EHD3: variants seen among roughly 807,000 people sequenced by gnomAD.
EHD3 encodes the protein EH domain-containing protein 3.
EHD3 carries 17 observed loss-of-function variants against 43.0 expected under a neutral mutation model. The observed-to-expected ratio is 0.40, with a 90% CI of 0.27 to 0.59. The LOEUF (loss-of-function observed/expected upper bound fraction) is 0.59. Ranked by LOEUF, EHD3 falls within the 20% of genes least tolerant of loss-of-function variation. The probability of loss-of-function intolerance (pLI) is 0.49; values close to 1 mark genes in which losing one functional copy is unlikely to be tolerated. For synonymous variants in EHD3, 313 were observed against 289.5 expected (o/e 1.08, Z -0.82); for missense variants, 594 against 705.6 (o/e 0.84, Z 1.79).
At chr2:31,244,196 T>G in intron 1 of EHD3, 78 bp from the exon 2 acceptor site, 4 of 1,431,904 alleles carry the variant, frequency 2.8e-6, no homozygotes, top group Non-Finnish European at 3.8e-6. Flanking sequence ...GACTCGCATG[T>G]TGTCTGCCTT....
chr2:31,264,943 A>C (rs1311469397), intron 5 of EHD3, among the ~76,000 whole-genome samples: 1 of 152,142 alleles, frequency 6.6e-6, no homozygotes, highest in Non-Finnish European at 1.5e-5. Context: ...TATTTAAAAA[A>C]ATTTATTTTT....
intron 3 of EHD3, among the ~76,000 whole-genome samples, chr2:31,250,023 T>C (rs1451310750): frequency 1.4e-5 from 2 of 145,356 alleles, no homozygotes; most frequent in Non-Finnish European, 3.0e-5. Context: ...GGCAGGGTTC[T>C]AAGCCTGCCT....
chr2:31,259,441 C>T (rs1002542771), intron 3 of EHD3, among the ~76,000 whole-genome samples: 1 of 152,114 alleles, frequency 6.6e-6, no homozygotes, highest in Admixed American at 6.5e-5. Flanking sequence ...ACTATTGGTC[C>T]ACCCTCCTAC....
At chr2:31,236,750 C>A (rs1032494757) in intron 1 of EHD3, among the ~76,000 whole-genome samples, 4 of 152,224 alleles carry the variant, frequency 2.6e-5, no homozygotes, top group Non-Finnish European at 5.9e-5. Flanking sequence ...ATCTCTGGGG[C>A]CTTGCCCAGG....
rs1683841810 is a variant in EHD3, at chr2:31,260,928, G to A, written c.915+6G>A. On this transcript the variant is annotated splice_donor_region_variant and intron_variant, in intron 4 of 5. Transcript: ENST00000322054. This position sits in a 1 kb window ranked among gnomAD's most constrained non-coding sequence, Gnocchi z 4.6. ...AAAGGGCCAGGCTGGCCAAGGTGAG[G>A]CAGCCCCCTGGGAGGTGGGCAGCTT... The A allele has an allele frequency of 1.3e-6, 2 of 1,593,238 alleles. No individual in the cohort carries two copies. Among genetic ancestry groups the A allele is most frequent in the Non-Finnish European group, 1.7e-6 (2 of 1,169,664 alleles).
In EHD3 at chr2:31,266,878, T is replaced by G. The variant is rs1683964575; in HGVS notation, c.*174T>G. 1 of 822,292 alleles carries G rather than the reference T, an allele frequency of 1.2e-6. No homozygotes were observed. 50.9% of individuals were successfully genotyped at this position (822,292 alleles called of 1,614,324 possible). ...GACGCCCATGTTTGCAGCTGATACT[T>G]GTTTGGGCACACCTCCAAGTTCTCG... On this transcript the variant is annotated 3_prime_UTR_variant, in exon 6 of 6. Coordinates refer to ENST00000322054, the MANE Select transcript of EHD3 (RefSeq NM_014600.3). This position sits in a 1 kb window ranked among gnomAD's most constrained non-coding sequence, Gnocchi z 5.1.
At chr2:31,253,857 TG>T (rs1282828335) in intron 3 of EHD3, among the ~76,000 whole-genome samples, 1 of 152,118 alleles carries the variant, frequency 6.6e-6, no homozygotes, top group African/African-American at 2.4e-5. Context: ...AGGTGGTTCC[TG>T]GAAGTGGCAG....
intron 3 of EHD3, among the ~76,000 whole-genome samples, chr2:31,253,903 G>A (rs1683689012): frequency 6.6e-6 from 1 of 152,178 alleles, no homozygotes; most frequent in African/African-American, 2.4e-5. Flanking sequence ...CTGGGAAGAA[G>A]TGAGGATGCA....
At position 31,243,448 on chromosome 2, in the gene EHD3, C is replaced by CTT. The variant is rs1310045883; in HGVS notation, c.228-824_228-823dup. Reference sequence around the variant, plus strand: ...TCTTTCTTTCTTTCTTTCTTTCTTTCTTTCTTTCTTTCTTTTTTTTTTTTT... The same window carrying CTT: ...TCTTTCTTTCTTTCTTTCTTTCTTTCTTTTTCTTTCTTTCTTTTTTTTTTTTT... On this transcript the variant is annotated intron_variant, in intron 1 of 5. Transcript: ENST00000322054. 2.9e-3 allele frequency among the ~76,000 whole-genome samples: 192 copies of CTT among 67,026 alleles called. 20 individuals are homozygous for CTT. The highest frequency in any genetic ancestry group is 9.2e-3 in the African/African-American group (146 of 15,904). The allele number at this position is 67,026 out of a possible 152,430, so 44.0% of individuals were successfully genotyped here.
chr2:31,242,013 C>T (rs371819149), intron 1 of EHD3, among the ~76,000 whole-genome samples: 14 of 152,316 alleles, frequency 9.2e-5, no homozygotes, highest in African/African-American at 1.9e-4. Context: ...CCCTGTGTGG[C>T]GGGTGGCCTT....
At chr2:31,239,726 G>T (rs1005461470) in intron 1 of EHD3, among the ~76,000 whole-genome samples, 1 of 152,176 alleles carries the variant, frequency 6.6e-6, no homozygotes, top group African/African-American at 2.4e-5. Context: ...AGTAATAACC[G>T]CCTCACAGCA....
chr2:31,255,739 C>G (rs938353257), intron 3 of EHD3, among the ~76,000 whole-genome samples: 1 of 152,144 alleles, frequency 6.6e-6, no homozygotes, highest in Admixed American at 6.5e-5. Context: ...CACAGCCACA[C>G]CTGGCTGGAA....
rs78521723 is a variant in EHD3 at position 31,240,032 on chromosome 2, G to A, written c.228-4242G>A. Among the ~76,000 whole-genome samples, 1,349 of 152,244 alleles carry A rather than the reference G, an allele frequency of 8.9e-3. 21 individuals carry two copies. Among genetic ancestry groups the A allele is most frequent in the African/African-American group, 0.031 (1,273 of 41,524 alleles). On this transcript the variant is annotated intron_variant, in intron 1 of 5. Transcript: ENST00000322054. ...TGGCCACCAGATTCTCCTTCGTGCT[G>A]GAATCCCTTCATCACATGGCTGAGG...
At chr2:31,252,507 G>T (rs578182158) in intron 3 of EHD3, among the ~76,000 whole-genome samples, 1 of 152,238 alleles carries the variant, frequency 6.6e-6, no homozygotes, top group South Asian at 2.1e-4. Context: ...ACGGAGTCTC[G>T]CTCTGTCACC....
At chr2:31,236,992 G>A (rs989714024) in intron 1 of EHD3, among the ~76,000 whole-genome samples, 2 of 152,118 alleles carry the variant, frequency 1.3e-5, no homozygotes, top group Non-Finnish European at 2.9e-5. Context: ...GAGGCAGATC[G>A]CTCTTCTTTC....
chr2:31,245,340 T>G (rs924709473), intron 2 of EHD3, among the ~76,000 whole-genome samples: 2 of 151,982 alleles, frequency 1.3e-5, no homozygotes, highest in Admixed American at 1.3e-4. Flanking sequence ...ATAAGTGGGA[T>G]AGTGAACAGA....
Position 31,266,614 on chromosome 2 carries a change from C to T in EHD3, c.1518C>T (p.His506=), listed in dbSNP as rs1187226173. The change falls in exon 6 of 6, where the codon CAC becomes CAT. Residue 506 remains histidine, a synonymous_variant. Coordinates refer to ENST00000322054, the MANE Select transcript of EHD3 (RefSeq NM_014600.3). The surrounding 1 kb of genome is among the most constrained non-coding windows in gnomAD (Gnocchi z 5.1). ...LDDDEFALAN[H]LIKVKLEGHE... The stretch of plus-strand genomic sequence containing the variant: ...ACGACGAGTTTGCACTGGCCAACCA[C>T]CTCATCAAAGTCAAGCTGGAGGGGC... 6.2e-7 allele frequency: 1 copy of T among 1,614,100 alleles called. No individual in the cohort carries two copies. Among genetic ancestry groups the T allele is most frequent in the African/African-American group, 1.3e-5 (1 of 75,012 alleles).
chr2:31,262,124 A>T (rs1683869467), intron 5 of EHD3, among the ~76,000 whole-genome samples: 1 of 152,170 alleles, frequency 6.6e-6, no homozygotes, highest in Admixed American at 6.5e-5. Flanking sequence ...GCAATCTGGG[A>T]CACGAGCTTC....
chr2:31,236,174 TGCTAA>T (rs1379174348), intron 1 of EHD3, among the ~76,000 whole-genome samples: 1 of 152,218 alleles, frequency 6.6e-6, no homozygotes, highest in African/African-American at 2.4e-5. Flanking sequence ...AGTAGCACCA[TGCTAA>T]TAGGTCATGT....
Sources: allele counts gnomAD v4.1 joint callset (sites outside exome capture counted in the v4.1 genomes callset), GRCh38; gene constraint gnomAD v4.1.1; non-coding constraint Gnocchi (gnomAD v3.1); transcripts MANE v1.5; gene names NCBI Gene and HGNC (gene_info 2026-07-23, HGNC 2026-07-21).